Variants in TRPC5 observed in about 807,000 individuals in gnomAD.
The protein encoded by TRPC5 is short transient receptor potential channel 5.
A neutral mutation model predicts 56.5 loss-of-function variants in TRPC5; 9 were observed. That is an observed-to-expected ratio of 0.16 (90% CI 0.10 to 0.28). The LOEUF is 0.28. Ranked by LOEUF, TRPC5 falls within the 10% of genes least tolerant of loss-of-function variation. The pLI is 1.00. For missense variants in TRPC5, 469 were observed against 748.9 expected (o/e 0.63, Z 4.36); for synonymous variants, 282 against 278.5 (o/e 1.01, Z -0.13).
At chrX:111,935,069 C>G (rs755785526) in intron 2 of TRPC5, among the ~76,000 whole-genome samples, 4 of 111,945 alleles carry the variant, frequency 3.6e-5, no homozygotes, top group African/African-American at 6.5e-5. Context: ...AGTGGTTGTA[C>G]TAATTTACAT....
chrX:111,882,363 C>T (rs1322003270), intron 3 of TRPC5, among the ~76,000 whole-genome samples: 1 of 112,240 alleles, frequency 8.9e-6, no homozygotes, highest in Non-Finnish European at 1.9e-5. Context: ...GGGGTCTTGT[C>T]TCTGACTTCT....
chrX:112,066,706 G>C lies in TRPC5; in HGVS notation c.-22+15173C>G, dbSNP rs1168716837. ...CTTTATCTCAGAGGGCTGTGATGAGGGTTATGAGAGTCAATATTTGTAAAG... is the reference window on the plus strand; with the variant it reads ...CTTTATCTCAGAGGGCTGTGATGAGCGTTATGAGAGTCAATATTTGTAAAG... On this transcript the variant is annotated intron_variant, in intron 1 of 10. Coordinates refer to ENST00000262839, the MANE Select transcript of TRPC5 (RefSeq NM_012471.3). Among the ~76,000 whole-genome samples the C allele has an allele frequency of 2.7e-5, 3 of 112,371 alleles. No homozygotes were observed. The East Asian group carries it at 8.4e-4, about 31-fold the overall frequency.
At chrX:111,875,855 G>A (rs993884515) in intron 3 of TRPC5, among the ~76,000 whole-genome samples, 1 of 109,677 alleles carries the variant, frequency 9.1e-6, no homozygotes, top group Non-Finnish European at 1.9e-5. Flanking sequence ...TGAGGGAGAG[G>A]GAGGGTGTTA....
chrX:111,792,400 C>T (rs1946029508), intron 7 of TRPC5, among the ~76,000 whole-genome samples: 1 of 111,179 alleles, frequency 9.0e-6, no homozygotes, highest in South Asian at 3.9e-4. Context: ...TGCAGCAAAC[C>T]ACCATGGCAC....
intron 1 of TRPC5, among the ~76,000 whole-genome samples, chrX:112,078,033 A>G (rs1294998315): frequency 9.0e-6 from 1 of 111,288 alleles, no homozygotes; most frequent in Admixed American, 9.6e-5. Context: ...CATTCCCCAA[A>G]ACTACTATGG....
At chrX:111,848,375 C>T (rs1873735502) in intron 5 of TRPC5, among the ~76,000 whole-genome samples, 1 of 111,912 alleles carries the variant, frequency 8.9e-6, no homozygotes. Flanking sequence ...ATAATGCCTC[C>T]TACCCACTGC....
intron 1 of TRPC5, among the ~76,000 whole-genome samples, chrX:112,047,954 C>T (rs750491662): frequency 2.7e-5 from 3 of 112,497 alleles, no homozygotes; most frequent in African/African-American, 9.7e-5. Context: ...ACTAGACTAT[C>T]AACTTCTGGA....
intron 3 of TRPC5, among the ~76,000 whole-genome samples, chrX:111,869,732 A>G (rs1001497169): frequency 4.5e-5 from 5 of 112,018 alleles, no homozygotes; most frequent in Non-Finnish European, 7.5e-5. Context: ...ATTAAGACTA[A>G]TGCAATGGCT....
intron 1 of TRPC5, among the ~76,000 whole-genome samples, chrX:112,027,599 C>T (rs1368866059): frequency 9.0e-6 from 1 of 111,339 alleles, no homozygotes; most frequent in African/African-American, 3.3e-5. Flanking sequence ...CGGGTTCACG[C>T]CATTCTCCTG....
At chrX:112,008,780 T>C (rs1402436711) in intron 1 of TRPC5, among the ~76,000 whole-genome samples, 1 of 111,610 alleles carries the variant, frequency 9.0e-6, no homozygotes, top group African/African-American at 3.3e-5. Flanking sequence ...TTCATACATG[T>C]AAAACACTAA....
intron 1 of TRPC5, among the ~76,000 whole-genome samples, chrX:111,980,911 G>GTATATATATATA (rs764889761): frequency 2.1e-5 from 2 of 93,900 alleles, no homozygotes; most frequent in African/African-American, 8.4e-5. Context: ...TTATATATAT[G>GTATATATATATA]TATATATATA....
intron 3 of TRPC5, among the ~76,000 whole-genome samples, chrX:111,865,904 T>C (rs1461331638): frequency 1.8e-5 from 2 of 112,881 alleles, no homozygotes. Flanking sequence ...ATTGGAAGAT[T>C]ACATATCAAA....
intron 1 of TRPC5, among the ~76,000 whole-genome samples, chrX:111,966,837 A>G (rs1182437109): frequency 2.7e-4 from 30 of 112,238 alleles, no homozygotes; most frequent in African/African-American, 8.1e-4. Context: ...TCTCAAAATA[A>G]TAAGAGCTAT....
At chrX:112,071,447 TG>T (rs1417024635) in intron 1 of TRPC5, among the ~76,000 whole-genome samples, 4 of 112,105 alleles carry the variant, frequency 3.6e-5, no homozygotes, top group Non-Finnish European at 5.6e-5. Flanking sequence ...GTGTAGTCAG[TG>T]GTAGAGTTGG....
intron 3 of TRPC5, among the ~76,000 whole-genome samples, chrX:111,877,641 G>C (rs1243466761): frequency 9.0e-6 from 1 of 111,266 alleles, no homozygotes; most frequent in Non-Finnish European, 1.9e-5. Flanking sequence ...AAAACCATAG[G>C]AGTTGGTATA....
intron 1 of TRPC5, among the ~76,000 whole-genome samples, chrX:111,964,526 A>T (rs767877159): frequency 2.7e-5 from 3 of 112,041 alleles, no homozygotes; most frequent in Non-Finnish European, 5.6e-5. Flanking sequence ...TAATTGTCAG[A>T]TTCACCAAAG....
chrX:111,796,898 T>TA, intron 7 of TRPC5, among the ~76,000 whole-genome samples: 1 of 112,422 alleles, frequency 8.9e-6, no homozygotes, highest in East Asian at 2.8e-4. Context: ...TACATTTTTT[T>TA]ATCAGCCTCT....
chrX:111,788,673 T>A (rs1471321069), intron 7 of TRPC5, among the ~76,000 whole-genome samples: 1 of 111,911 alleles, frequency 8.9e-6, no homozygotes, highest in Non-Finnish European at 1.9e-5. Flanking sequence ...CCCCGTCACC[T>A]CAGCCCAAAA....
At chrX:111,997,447 G>T (rs760115298) in intron 1 of TRPC5, among the ~76,000 whole-genome samples, 1 of 111,222 alleles carries the variant, frequency 9.0e-6, no homozygotes, top group Non-Finnish European at 1.9e-5. Context: ...CAACCTTGGT[G>T]AATCTGACAA....
Sources: allele counts gnomAD v4.1 joint callset (sites outside exome capture counted in the v4.1 genomes callset), GRCh38; gene constraint gnomAD v4.1.1; transcripts MANE v1.5; gene names NCBI Gene and HGNC (gene_info 2026-07-23, HGNC 2026-07-21).